The following RBMS3 variants were observed in gnomAD, a reference collection of about 807,000 sequenced individuals.
RBMS3 encodes RNA-binding motif, single-stranded-interacting protein 3.
RBMS3 carries 27 observed loss-of-function variants against 66.8 expected under a neutral mutation model. The ratio of observed to expected loss-of-function variants is 0.40; its 90% confidence interval spans 0.30 to 0.56. The LOEUF (loss-of-function observed/expected upper bound fraction) is 0.56, where lower values mean the gene tolerates loss of function less well. Ranked by LOEUF, RBMS3 falls within the 20% of genes least tolerant of loss-of-function variation. The pLI is 0.40. For missense variants in RBMS3, 513 were observed against 549.5 expected (o/e 0.93, Z 0.66); for synonymous variants, 188 against 183.0 (o/e 1.03, Z -0.22).
At chr3:29,625,700 G>GTAAA (rs35124957) in intron 4 of RBMS3, among the ~76,000 whole-genome samples, 25,927 of 139,724 alleles carry the variant, frequency 0.19, 2,430 homozygotes, top group African/African-American at 0.25. Context: ...CGCCATTAAA[G>GTAAA]TAAATAAATA....
intron 4 of RBMS3, among the ~76,000 whole-genome samples, chr3:29,675,124 C>T (rs1409531690): frequency 2.0e-5 from 3 of 152,120 alleles, no homozygotes; most frequent in African/African-American, 7.2e-5. Context: ...TAATACCACA[C>T]ATCTACAACC....
At chr3:29,519,091 A>T (rs1184194462) in intron 3 of RBMS3, among the ~76,000 whole-genome samples, 29 of 152,244 alleles carry the variant, frequency 1.9e-4, no homozygotes, top group Non-Finnish European at 1.6e-4. Flanking sequence ...CAGTGAAATT[A>T]CAATGTCTTC....
At chr3:29,473,037 G>C (rs2042800162) in intron 2 of RBMS3, among the ~76,000 whole-genome samples, 1 of 151,600 alleles carries the variant, frequency 6.6e-6, no homozygotes, top group Non-Finnish European at 1.5e-5. Flanking sequence ...TAGATACAGA[G>C]TGTAGATTGG....
intron 12 of RBMS3, among the ~76,000 whole-genome samples, chr3:29,956,496 A>G (rs574670656): frequency 6.6e-6 from 1 of 152,050 alleles, no homozygotes; most frequent in African/African-American, 2.4e-5. Context: ...ATTAAAGCTC[A>G]AATTTTTGAT....
intron 1 of RBMS3, among the ~76,000 whole-genome samples, chr3:29,416,694 C>G (rs554443399): frequency 6.6e-6 from 1 of 152,224 alleles, no homozygotes; most frequent in South Asian, 2.1e-4. Context: ...TACTCATACT[C>G]CTCACTGTAC....
At chr3:29,907,300 G>A (rs1308194553) in intron 10 of RBMS3, among the ~76,000 whole-genome samples, 1 of 151,818 alleles carries the variant, frequency 6.6e-6, no homozygotes, top group African/African-American at 2.4e-5. Context: ...GCTTTTCCAG[G>A]TCATCAAAAA....
intron 1 of RBMS3, among the ~76,000 whole-genome samples, chr3:29,368,896 G>C (rs552748625): frequency 3.9e-5 from 6 of 152,184 alleles, no homozygotes; most frequent in Admixed American, 6.6e-5. Flanking sequence ...CAATAGCAAA[G>C]ACATAGAATC....
chr3:29,924,575 C>T (rs999559633), intron 10 of RBMS3, among the ~76,000 whole-genome samples: 6 of 141,046 alleles, frequency 4.3e-5, no homozygotes, highest in Non-Finnish European at 6.1e-5. Context: ...TGGTGGCTCA[C>T]GCCTGTAATC....
intron 1 of RBMS3, among the ~76,000 whole-genome samples, chr3:29,285,063 T>C (rs2032180837): frequency 1.3e-5 from 2 of 151,066 alleles, no homozygotes; most frequent in African/African-American, 4.9e-5. Flanking sequence ...GAAAAAGGGC[T>C]CAAAAAATAG....
chr3:29,890,214 T>A (rs1203010838), intron 8 of RBMS3, among the ~76,000 whole-genome samples: 1 of 151,674 alleles, frequency 6.6e-6, no homozygotes, highest in Non-Finnish European at 1.5e-5. Context: ...AGAACAACCA[T>A]TTCTATGCAT....
intron 1 of RBMS3, among the ~76,000 whole-genome samples, chr3:29,371,722 C>T (rs1173894717): frequency 6.6e-6 from 1 of 152,050 alleles, no homozygotes; most frequent in Non-Finnish European, 1.5e-5. Flanking sequence ...GAAGCCTTTA[C>T]ATTTGATCTA....
At position 29,892,966 on chromosome 3, in the gene RBMS3, C is replaced by T. The variant is rs1271145268; in HGVS notation, c.792-4413C>T. On this transcript the variant is annotated intron_variant, in intron 8 of 14. Transcript: ENST00000383767. ...TGGAAACACATTCTGCAGTTCCCTC[C>T]TTGGAGTCTGGCCTTGTGTATTTTC... Among the ~76,000 whole-genome samples the T allele has an allele frequency of 7.9e-5, 12 of 151,174 alleles. 1 individual carries two copies. The highest frequency in any genetic ancestry group is 7.9e-4 in the Admixed American group (12 of 15,124).
intron 4 of RBMS3, among the ~76,000 whole-genome samples, chr3:29,720,111 C>T (rs1050274195): frequency 1.3e-5 from 2 of 152,090 alleles, no homozygotes; most frequent in Non-Finnish European, 2.9e-5. Flanking sequence ...TACCCGCTAG[C>T]TCCCTCTGTT....
intron 6 of RBMS3, among the ~76,000 whole-genome samples, chr3:29,862,710 G>A (rs145876543): frequency 3.3e-5 from 5 of 152,042 alleles, no homozygotes; most frequent in African/African-American, 9.6e-5. Flanking sequence ...TAAGTGTGGC[G>A]GCGTGTGCCT....
intron 1 of RBMS3, among the ~76,000 whole-genome samples, chr3:29,406,922 C>T (rs907354830): frequency 2.0e-5 from 3 of 152,008 alleles, no homozygotes; most frequent in Admixed American, 2.0e-4. Context: ...AGTCACTTAC[C>T]TATATCCAGG....
At chr3:29,728,628 C>T (rs1487485185) in intron 4 of RBMS3, among the ~76,000 whole-genome samples, 2 of 152,150 alleles carry the variant, frequency 1.3e-5, no homozygotes, top group Non-Finnish European at 2.9e-5. Flanking sequence ...TATATACACA[C>T]ACAGCACACC....
At chr3:29,951,288 A>T (rs969065266) in intron 12 of RBMS3, among the ~76,000 whole-genome samples, 1 of 151,756 alleles carries the variant, frequency 6.6e-6, no homozygotes, top group Non-Finnish European at 1.5e-5. Flanking sequence ...ACCACCAGAC[A>T]CTGTTTGTTT....
At position 29,949,547 on chromosome 3, in the gene RBMS3, A is replaced by G. The variant is rs1695541983; in HGVS notation, c.1098+5293A>G. On this transcript the variant is annotated intron_variant, in intron 12 of 14. Coordinates refer to ENST00000383767, the MANE Select transcript of RBMS3 (RefSeq NM_001003793.3). ...CTAAATACTGTCACTGATATTCTTT[A>G]TAATACATCTGAAGTGACCTTCCCT... Among the ~76,000 whole-genome samples the G allele has an allele frequency of 2.6e-5, 4 of 151,808 alleles. No homozygotes were observed. The South Asian group carries it at 6.2e-4, about 24-fold the overall frequency.
intron 1 of RBMS3, among the ~76,000 whole-genome samples, chr3:29,333,310 C>T (rs1170590526): frequency 1.3e-5 from 2 of 152,110 alleles, no homozygotes; most frequent in Non-Finnish European, 2.9e-5. Context: ...AGTCAGTGAT[C>T]ATTTGCATCC....
Sources: gnomAD v4.1 joint callset for allele counts (sites outside exome capture counted in the v4.1 genomes callset) on GRCh38, gnomAD v4.1.1 for gene constraint, MANE v1.5 for transcripts, NCBI Gene and HGNC (gene_info 2026-07-23, HGNC 2026-07-21) for gene names.